DLGAP2: variants seen among roughly 807,000 people sequenced by gnomAD.
The protein encoded by DLGAP2 is disks large-associated protein 2.
In DLGAP2, 26 loss-of-function variants were observed where a neutral mutation model predicts 100.3. The ratio of observed to expected loss-of-function variants is 0.26; its 90% confidence interval spans 0.19 to 0.36. DLGAP2 has a LOEUF of 0.36. Ranked by LOEUF, DLGAP2 falls within the 10% of genes least tolerant of loss-of-function variation. DLGAP2 has a pLI of 1.00. For synonymous variants in DLGAP2, 886 were observed against 630.1 expected (o/e 1.41, Z -6.08); for missense variants, 1,858 against 1,453.2 (o/e 1.28, Z -4.53).
chr8:1,550,167 C>T (rs972142383), intron 5 of DLGAP2, among the ~76,000 whole-genome samples: 3 of 152,234 alleles, frequency 2.0e-5, no homozygotes, highest in South Asian at 2.1e-4. Flanking sequence ...TTTCTTCCAG[C>T]TCACCTGTGT....
chr8:1,256,391 G>C (rs1420026778), intron 2 of DLGAP2, among the ~76,000 whole-genome samples: 1 of 129,566 alleles, frequency 7.7e-6, no homozygotes, highest in African/African-American at 3.6e-5. Flanking sequence ...TCCTGCCTGG[G>C]TGCTGTGTGT....
intron 2 of DLGAP2, among the ~76,000 whole-genome samples, chr8:1,190,765 A>T (rs1239503443): frequency 6.6e-6 from 1 of 152,118 alleles, no homozygotes; most frequent in East Asian, 1.9e-4. Context: ...CAGACCCATG[A>T]CTAGAGCCCA....
At chr8:1,175,983 A>G (rs544438886) in intron 2 of DLGAP2, among the ~76,000 whole-genome samples, 6 of 152,314 alleles carry the variant, frequency 3.9e-5, no homozygotes, top group South Asian at 4.1e-4. Flanking sequence ...CACAGGGCCT[A>G]TGTCATACCA....
chr8:1,665,016 G>A (rs1344499730), intron 8 of DLGAP2, among the ~76,000 whole-genome samples: 2 of 152,106 alleles, frequency 1.3e-5, no homozygotes, highest in African/African-American at 4.8e-5. Flanking sequence ...TAAAAGTGTG[G>A]CATGCAACTA....
intron 3 of DLGAP2, among the ~76,000 whole-genome samples, chr8:1,353,947 G>A (rs371165414): frequency 2.0e-5 from 3 of 152,260 alleles, no homozygotes; most frequent in African/African-American, 4.8e-5. Context: ...AATTTCCAGC[G>A]TCACTAGCTA....
At chr8:1,691,512 G>A in intron 12 of DLGAP2, 23 bp from the exon 13 acceptor site, 1 of 1,596,942 alleles carries the variant, frequency 6.3e-7, no homozygotes, top group Non-Finnish European at 8.5e-7. Flanking sequence ...TTGTTTTTTT[G>A]TTTTTGTTTT....
chr8:986,898 G>GATC (rs1311724687), intron 2 of DLGAP2, among the ~76,000 whole-genome samples: 1 of 152,116 alleles, frequency 6.6e-6, no homozygotes, highest in Non-Finnish European at 1.5e-5. Context: ...GACCTCCAGT[G>GATC]ATCCACCCGT....
At chr8:848,874 T>TCTGTTCCAGAATAGGAACGCACGGTGC (rs1563061826) in intron 1 of DLGAP2, among the ~76,000 whole-genome samples, 1 of 129,780 alleles carries the variant, frequency 7.7e-6, no homozygotes, top group Non-Finnish European at 1.7e-5. Context: ...TCGCGCGGTG[T>TCTGTTCCAGAATAGGAACGCACGGTGC]CTGTTCCAGC....
chr8:857,413 G>T (rs1423025883), intron 1 of DLGAP2, among the ~76,000 whole-genome samples: 1 of 152,294 alleles, frequency 6.6e-6, no homozygotes, highest in African/African-American at 2.4e-5. Context: ...CAGACCGGGA[G>T]AAAATATTTG....
intron 3 of DLGAP2, among the ~76,000 whole-genome samples, chr8:1,368,480 T>C (rs1192552944): frequency 6.6e-6 from 1 of 152,170 alleles, no homozygotes; most frequent in Non-Finnish European, 1.5e-5. Context: ...TGCTGTGCTC[T>C]GAAAAATGTA....
intron 2 of DLGAP2, among the ~76,000 whole-genome samples, chr8:910,062 T>G (rs1798454300): frequency 6.6e-6 from 1 of 152,166 alleles, no homozygotes; most frequent in Non-Finnish European, 1.5e-5. Context: ...CAAGTTTCCG[T>G]TTTGGAAGAC....
At chr8:742,471 G>A (rs949199462) in intron 1 of DLGAP2, among the ~76,000 whole-genome samples, 2 of 152,162 alleles carry the variant, frequency 1.3e-5, no homozygotes, top group Admixed American at 6.5e-5. Context: ...ACATCCTTTT[G>A]TGTGTAACGA....
At chr8:1,491,383 T>TCCCCCTGACCCCGGAGGCTTCGGTCC (rs1563180305) in intron 3 of DLGAP2, among the ~76,000 whole-genome samples, 1 of 149,114 alleles carries the variant, frequency 6.7e-6, no homozygotes, top group Non-Finnish European at 1.5e-5. Context: ...GGCTTCGGGC[T>TCCCCCTGACCCCGGAGGCTTCGGTCC]GCTCCCCCTG....
intron 2 of DLGAP2, among the ~76,000 whole-genome samples, chr8:996,860 A>T (rs560305138): frequency 4.6e-5 from 7 of 152,260 alleles, no homozygotes; most frequent in African/African-American, 1.7e-4. Context: ...GAAAGCCCCC[A>T]AGAACTTACA....
chr8:1,252,028 C>G (rs889336632), intron 2 of DLGAP2, among the ~76,000 whole-genome samples: 1 of 148,276 alleles, frequency 6.7e-6, no homozygotes, highest in Non-Finnish European at 1.5e-5. Flanking sequence ...TCCTGAGTCA[C>G]AATGTCAGAG....
At position 774,577 on chromosome 8, in the gene DLGAP2, T is replaced by A. The variant is rs1323522420; in HGVS notation, c.18+36752T>A. Among the ~76,000 whole-genome samples the A allele has an allele frequency of 6.0e-5, 9 of 149,698 alleles. No homozygotes were observed. The East Asian group carries it at 1.6e-3, about 26-fold the overall frequency. On this transcript the variant is annotated intron_variant, in intron 1 of 14. Coordinates refer to ENST00000637795, the MANE Select transcript of DLGAP2 (RefSeq NM_001346810.2). ...CAGCTTTCTACATATGGCTAGCCAG[T>A]TTTCCCAGCACCATTTATTAAATAG... is the stretch of plus-strand genomic sequence containing the variant.
chr8:1,438,527 G>C (rs373888579), intron 3 of DLGAP2, among the ~76,000 whole-genome samples: 1 of 152,158 alleles, frequency 6.6e-6, no homozygotes, highest in Admixed American at 6.6e-5. Flanking sequence ...CTCACCACTA[G>C]CTTTTGACTA....
intron 12 of DLGAP2, among the ~76,000 whole-genome samples, chr8:1,679,648 T>A (rs1798896108): frequency 6.6e-6 from 1 of 152,228 alleles, no homozygotes; most frequent in Non-Finnish European, 1.5e-5. Context: ...CAGCCCCTTA[T>A]TCTCCGCCTT....
chr8:1,601,111 C>G (rs1220586704), intron 6 of DLGAP2, among the ~76,000 whole-genome samples: 1 of 152,186 alleles, frequency 6.6e-6, no homozygotes, highest in Non-Finnish European at 1.5e-5. Flanking sequence ...TGATAGTTTT[C>G]TTTCTAACCA....
Sources: allele counts gnomAD v4.1 joint callset (sites outside exome capture counted in the v4.1 genomes callset), GRCh38; gene constraint gnomAD v4.1.1; transcripts MANE v1.5; gene names NCBI Gene and HGNC (gene_info 2026-07-23, HGNC 2026-07-21).